Variants in CTNNA3 observed in about 807,000 individuals in gnomAD.
The protein encoded by CTNNA3 is catenin alpha 3, also known as catenin alpha-3.
Under a neutral mutation model 95.7 loss-of-function variants are expected in CTNNA3, and 76 were observed. The observed-to-expected ratio is 0.79, with a 90% CI of 0.66 to 0.96. CTNNA3 has a LOEUF of 0.96. Among genes scored for constraint, CTNNA3 ranks in the 40% least tolerant of loss-of-function variants. The pLI is 0.00. For synonymous variants in CTNNA3, 431 were observed against 374.4 expected (o/e 1.15, Z -1.74); for missense variants, 1,191 against 1,089.8 (o/e 1.09, Z -1.31).
chr10:67,242,225 G>A (rs557568181), intron 5 of CTNNA3, among the ~76,000 whole-genome samples: 17 of 152,256 alleles, frequency 1.1e-4, no homozygotes, highest in African/African-American at 3.6e-4. Flanking sequence ...AAAAATTAAA[G>A]TGTGGTCCAT....
chr10:66,226,207 C>A (rs983721956), intron 13 of CTNNA3, among the ~76,000 whole-genome samples: 1 of 152,086 alleles, frequency 6.6e-6, no homozygotes, highest in South Asian at 2.1e-4. Context: ...AAGTTTTCAC[C>A]CATTTTGAGT....
intron 13 of CTNNA3, among the ~76,000 whole-genome samples, chr10:66,255,003 G>A (rs1483827825): frequency 6.6e-6 from 1 of 152,188 alleles, no homozygotes; most frequent in Non-Finnish European, 1.5e-5. Context: ...TCCAAGGGTG[G>A]CAAGTCCACC....
intron 12 of CTNNA3, among the ~76,000 whole-genome samples, chr10:66,313,288 CT>C (rs1442221792): frequency 6.6e-6 from 1 of 152,280 alleles, no homozygotes; most frequent in African/African-American, 2.4e-5. Flanking sequence ...CTGGATGATT[CT>C]TTTGCCTAAG....
intron 14 of CTNNA3, among the ~76,000 whole-genome samples, chr10:66,080,922 T>C (rs2080735646): frequency 6.6e-6 from 1 of 152,118 alleles, no homozygotes; most frequent in African/African-American, 2.4e-5. Context: ...CACAGATGCT[T>C]AAGAAAGATA....
intron 6 of CTNNA3, among the ~76,000 whole-genome samples, chr10:67,183,014 G>A (rs1007347146): frequency 6.6e-6 from 1 of 152,152 alleles, no homozygotes; most frequent in East Asian, 1.9e-4. Flanking sequence ...AGTTAGAATG[G>A]CGATCATTAA....
At chr10:66,047,362 G>T (rs1232284644) in intron 15 of CTNNA3, among the ~76,000 whole-genome samples, 1 of 152,072 alleles carries the variant, frequency 6.6e-6, no homozygotes, top group Non-Finnish European at 1.5e-5. Flanking sequence ...CACATAAACG[G>T]AACTAAAAAC....
At chr10:66,245,192 A>G (rs2090265580) in intron 13 of CTNNA3, among the ~76,000 whole-genome samples, 1 of 152,214 alleles carries the variant, frequency 6.6e-6, no homozygotes, top group Admixed American at 6.5e-5. Flanking sequence ...TGGGGCAGAC[A>G]GCTACAGGTG....
chr10:67,398,562 C>T (rs1247261870), intron 5 of CTNNA3, among the ~76,000 whole-genome samples: 2 of 152,136 alleles, frequency 1.3e-5, no homozygotes, highest in African/African-American at 2.4e-5. Context: ...TGAGTTAAGA[C>T]TTTGGGGGAC....
At chr10:66,839,108 G>A (rs1038159775) in intron 7 of CTNNA3, among the ~76,000 whole-genome samples, 1 of 152,172 alleles carries the variant, frequency 6.6e-6, no homozygotes, top group East Asian at 1.9e-4. Context: ...TGAAAGTTGT[G>A]AAAGTATCAA....
At chr10:67,131,421 A>T (rs1290551701) in intron 7 of CTNNA3, among the ~76,000 whole-genome samples, 1 of 152,126 alleles carries the variant, frequency 6.6e-6, no homozygotes, top group East Asian at 1.9e-4. Flanking sequence ...GGCACAAATA[A>T]ACAACTATAT....
At chr10:67,548,625 C>CTACT (rs1381285865) in intron 3 of CTNNA3, among the ~76,000 whole-genome samples, 1 of 151,936 alleles carries the variant, frequency 6.6e-6, no homozygotes, top group Admixed American at 6.6e-5. Flanking sequence ...GATCATAGAC[C>CTACT]TACTTGCAAG....
intron 2 of CTNNA3, among the ~76,000 whole-genome samples, chr10:67,622,345 TC>T (rs1454949504): frequency 6.6e-6 from 1 of 152,220 alleles, no homozygotes; most frequent in Non-Finnish European, 1.5e-5. Flanking sequence ...GAAGTGGGTA[TC>T]TATGGAATCA....
chr10:67,649,242 T>G (rs1398586318), intron 1 of CTNNA3, among the ~76,000 whole-genome samples: 3 of 152,224 alleles, frequency 2.0e-5, no homozygotes, highest in African/African-American at 4.8e-5. Context: ...TTGGTGAACC[T>G]TCGCAGCCTT....
chr10:66,085,513 TA>T (rs764516124), intron 14 of CTNNA3, among the ~76,000 whole-genome samples: 5 of 152,166 alleles, frequency 3.3e-5, no homozygotes, highest in African/African-American at 4.8e-5. Context: ...AGAATAGTAT[TA>T]TTTTTTCTAG....
intron 7 of CTNNA3, among the ~76,000 whole-genome samples, chr10:66,935,574 A>G (rs894257343): frequency 6.6e-6 from 1 of 152,016 alleles, no homozygotes; most frequent in Non-Finnish European, 1.5e-5. Flanking sequence ...ATGGCAGAGG[A>G]CATATTACAT....
chr10:66,664,464 G>A (rs1846371834), intron 9 of CTNNA3, among the ~76,000 whole-genome samples: 1 of 152,092 alleles, frequency 6.6e-6, no homozygotes, highest in South Asian at 2.1e-4. Context: ...TCCATGCAGA[G>A]AAGAGAAGAT....
At chr10:66,884,244 G>GA (rs565834775) in intron 7 of CTNNA3, among the ~76,000 whole-genome samples, 135 of 152,142 alleles carry the variant, frequency 8.9e-4, no homozygotes, top group African/African-American at 1.9e-3. Context: ...GTTTAAAGGG[G>GA]AAAAAACACC....
chr10:66,226,798 T>C (rs1280462470), intron 13 of CTNNA3, among the ~76,000 whole-genome samples: 1 of 142,112 alleles, frequency 7.0e-6, no homozygotes, highest in Non-Finnish European at 1.5e-5. Flanking sequence ...TTCTTAGGTA[T>C]TTTTTTATTA....
At chr10:67,001,823 C>T (rs1851705630) in intron 7 of CTNNA3, among the ~76,000 whole-genome samples, 1 of 152,184 alleles carries the variant, frequency 6.6e-6, no homozygotes, top group Non-Finnish European at 1.5e-5. Context: ...CCAGTTTCTA[C>T]TGACTGTATC....
Sources: gnomAD v4.1 joint callset for allele counts (sites outside exome capture counted in the v4.1 genomes callset) on GRCh38, gnomAD v4.1.1 for gene constraint, MANE v1.5 for transcripts, NCBI Gene and HGNC (gene_info 2026-07-23, HGNC 2026-07-21) for gene names.